ROR2: variants seen among roughly 807,000 people sequenced by gnomAD.
The protein encoded by ROR2 is ROR family WNT receptor 2.
Under a neutral mutation model 74.9 loss-of-function variants are expected in ROR2, and 33 were observed. The observed-to-expected ratio is 0.44, with a 90% CI of 0.33 to 0.59. The LOEUF (loss-of-function observed/expected upper bound fraction) is 0.59. ROR2 is among the 20% of genes least tolerant of loss of function. ROR2 has a pLI of 0.02. For synonymous variants in ROR2, 586 were observed against 558.7 expected (o/e 1.05, Z -0.69); for missense variants, 1,216 against 1,313.8 (o/e 0.93, Z 1.15).
intron 2 of ROR2, among the ~76,000 whole-genome samples, chr9:91,762,539 T>C (rs1464183568): frequency 6.6e-6 from 1 of 152,326 alleles, no homozygotes; most frequent in South Asian, 2.1e-4. Context: ...ACAATAACCA[T>C]GAACAAAACG....
At position 91,757,490 on chromosome 9, in the gene ROR2, T is replaced by G. The variant is rs755144770; in HGVS notation, c.245A>C (p.His82Pro). 6.2e-7 allele frequency: 1 copy of G among 1,613,754 alleles called. No homozygotes were observed. Among genetic ancestry groups the G allele is most frequent in the African/African-American group, 1.3e-5 (1 of 74,826 alleles). The change falls in exon 3 of 9, where the codon CAC (histidine) becomes CCC (proline). Residue 82 changes from histidine (H) to proline (P), a missense_variant. Physicochemically the swap from His to Pro is moderately conservative, Grantham distance 77 (BLOSUM62 -2). Coordinates refer to ENST00000375708, the MANE Select transcript of ROR2 (RefSeq NM_004560.4). Reference sequence around the variant, plus strand: ...GGGTGGGTTTCCTGCCACCTTGCAGTGCAGAATTGCCGTCTGGCCTTGGAC... The same window carrying G: ...GGGTGGGTTTCCTGCCACCTTGCAGGGCAGAATTGCCGTCTGGCCTTGGAC... ...TIVQGQTAIL[H>P]CKVAGNPPPN...
chr9:91,791,496 A>T (rs1197687182), intron 1 of ROR2, among the ~76,000 whole-genome samples: 2 of 152,200 alleles, frequency 1.3e-5, no homozygotes, highest in Non-Finnish European at 2.9e-5. Flanking sequence ...TCATTACTAG[A>T]AACAAAGAAG....
chr9:91,737,567 C>T (rs1456636983), intron 4 of ROR2, 49 bp from the exon 5 acceptor site: 1 of 1,613,572 alleles, frequency 6.2e-7, no homozygotes, highest in South Asian at 1.1e-5. Context: ...GGTGCCAGGT[C>T]CCGCCAATGA....
At chr9:91,802,070 T>TC in intron 1 of ROR2, among the ~76,000 whole-genome samples, 1 of 103,010 alleles carries the variant, frequency 9.7e-6, no homozygotes, top group Middle Eastern at 4.0e-3. Context: ...GGAAGGTGTT[T>TC]TTTTTTTTTT....
intron 1 of ROR2, among the ~76,000 whole-genome samples, chr9:91,801,934 G>A (rs1158459349): frequency 7.9e-5 from 12 of 152,202 alleles, no homozygotes; most frequent in Non-Finnish European, 1.5e-4. Context: ...GGTTCTCAGC[G>A]TCTGGGCAGA....
At chr9:91,767,079 G>GATTTTT (rs754818380) in intron 2 of ROR2, among the ~76,000 whole-genome samples, 27 of 142,640 alleles carry the variant, frequency 1.9e-4, no homozygotes, top group Admixed American at 1.6e-3. Flanking sequence ...AATGACTTAC[G>GATTTTT]GTTTTTTTTT....
intron 1 of ROR2, among the ~76,000 whole-genome samples, chr9:91,866,595 C>G (rs532467245): frequency 1.3e-5 from 2 of 152,002 alleles, no homozygotes; most frequent in African/African-American, 2.4e-5. Context: ...TTTGTACCAG[C>G]TGCATGTTTT....
At position 91,826,609 on chromosome 9, in the gene ROR2, G is replaced by A. The variant is rs533855181; in HGVS notation, c.98-50791C>T. On this transcript the variant is annotated intron_variant, in intron 1 of 8. Transcript: ENST00000375708. ...ATCCTGGCTAACACAGTGAAACCCC[G>A]TCTCTACTAAAAATACAAAAAGAAA... Among the ~76,000 whole-genome samples, 63 of 151,988 alleles carry A rather than the reference G, an allele frequency of 4.1e-4. No individual in the cohort carries two copies. The Middle Eastern group carries it at 0.01, about 25-fold the overall frequency.
intron 1 of ROR2, among the ~76,000 whole-genome samples, chr9:91,919,244 G>A (rs186117572): frequency 3.3e-5 from 5 of 152,276 alleles, no homozygotes; most frequent in East Asian, 1.9e-4. Flanking sequence ...TTTTAGGCAC[G>A]ATCCCCTTGC....
chr9:91,816,827 T>C (rs1827956666), intron 1 of ROR2, among the ~76,000 whole-genome samples: 2 of 151,994 alleles, frequency 1.3e-5, no homozygotes, highest in African/African-American at 4.8e-5. Flanking sequence ...GAGACCAGCA[T>C]TTACCACTCA....
At chr9:91,744,724 A>G (rs974591041) in intron 4 of ROR2, among the ~76,000 whole-genome samples, 15 of 152,220 alleles carry the variant, frequency 9.9e-5, no homozygotes, top group African/African-American at 3.6e-4. Context: ...GAACCTTGGA[A>G]ATACTGGCTT....
intron 1 of ROR2, among the ~76,000 whole-genome samples, chr9:91,812,800 A>G (rs1218171981): frequency 6.6e-6 from 1 of 152,170 alleles, no homozygotes; most frequent in African/African-American, 2.4e-5. Context: ...GGGAGGCTTC[A>G]TTCTACCCCT....
chr9:91,918,301 G>A (rs536766505), intron 1 of ROR2, among the ~76,000 whole-genome samples: 10 of 151,766 alleles, frequency 6.6e-5, no homozygotes, highest in Admixed American at 6.6e-4. Context: ...AGGGCACAGG[G>A]CCAGAGGTCA....
At chr9:91,803,932 G>C (rs567283137) in intron 1 of ROR2, among the ~76,000 whole-genome samples, 1 of 152,356 alleles carries the variant, frequency 6.6e-6, no homozygotes, top group South Asian at 2.1e-4. Context: ...TTATTAGGGA[G>C]TTGACTTTGA....
intron 2 of ROR2, among the ~76,000 whole-genome samples, chr9:91,773,573 G>A (rs960093206): frequency 3.9e-5 from 6 of 152,232 alleles, no homozygotes; most frequent in African/African-American, 1.4e-4. Context: ...CTGAAATGTA[G>A]CTAGTACAAC....
chr9:91,944,570 T>G (rs1258758167), intron 1 of ROR2, among the ~76,000 whole-genome samples: 1 of 152,122 alleles, frequency 6.6e-6, no homozygotes, highest in Non-Finnish European at 1.5e-5. Context: ...GCACTAACAG[T>G]GGGCAATGTG....
intron 1 of ROR2, among the ~76,000 whole-genome samples, chr9:91,915,610 G>A (rs1027597804): frequency 6.6e-6 from 1 of 152,046 alleles, no homozygotes; most frequent in African/African-American, 2.4e-5. Context: ...GCCATGGAAG[G>A]GAACCTGAGC....
rs867581265 is a variant in ROR2 at position 91,927,316 on chromosome 9, C to T, written c.97+22551G>A. ...GCTTTTGGAAGCTCATCCAAATCCC[C>T]AAACCATTACACAGGTAAGTGTAAC... On this transcript the variant is annotated intron_variant, in intron 1 of 8. Transcript: ENST00000375708. Among the ~76,000 whole-genome samples, 14 of 152,314 alleles carry T rather than the reference C, an allele frequency of 9.2e-5. No homozygotes were observed. The Middle Eastern group carries it at 0.01, about 111-fold the overall frequency.
At chr9:91,829,111 A>G (rs986519828) in intron 1 of ROR2, among the ~76,000 whole-genome samples, 16 of 152,236 alleles carry the variant, frequency 1.1e-4, no homozygotes, top group Non-Finnish European at 1.9e-4. Context: ...TATGTTAACT[A>G]GACATCATGG....
Sources: allele counts gnomAD v4.1 joint callset (sites outside exome capture counted in the v4.1 genomes callset), GRCh38; gene constraint gnomAD v4.1.1; transcripts MANE v1.5; gene names NCBI Gene and HGNC (gene_info 2026-07-23, HGNC 2026-07-21).